Variants in SLC6A7 observed in about 807,000 individuals in gnomAD.
SLC6A7 encodes the protein solute carrier family 6 member 7.
In SLC6A7, 58 loss-of-function variants were observed where a neutral mutation model predicts 73.1. The ratio of observed to expected loss-of-function variants is 0.79; its 90% CI spans 0.64 to 0.99. The LOEUF (loss-of-function observed/expected upper bound fraction) is 0.99. Ranked by LOEUF, SLC6A7 falls within the 50% of genes least tolerant of loss-of-function variation. SLC6A7 has a pLI of 0.00. For missense variants in SLC6A7, 783 were observed against 831.4 expected, an observed-to-expected ratio of 0.94 and a Z score of 0.72; for synonymous variants, 338 against 338.7, an observed-to-expected ratio of 1.00 and a Z score of 0.02.
intron 4 of SLC6A7, 80 bp downstream of exon 4, chr5:150,197,356 C>T (rs1753088848): frequency 1.1e-6 from 1 of 901,336 alleles, no homozygotes; most frequent in Non-Finnish European, 1.7e-6. Flanking sequence ...CCCACAGTCT[C>T]AGCATGTACC....
Position 150,205,493 on chromosome 5 carries a change from C to G in SLC6A7, c.1571C>G (p.Ser524Trp). The change falls in exon 13 of 14, where the codon TCG becomes TGG. Residue 524 changes from serine (S) to tryptophan (W), a missense_variant. By Grantham distance (177) the Ser-to-Trp change is radical (BLOSUM62 -3). Transcript: ENST00000230671. ...MVYSIVKYQPSEYGSYRFPPW... is the reference protein window; with the variant it reads ...MVYSIVKYQPWEYGSYRFPPW... Reference sequence around the variant, plus strand: ...TATAGCATCGTCAAGTACCAGCCCTCGGAGTATGGCAGTTACCGCTTCCCG... The same window carrying G: ...TATAGCATCGTCAAGTACCAGCCCTGGGAGTATGGCAGTTACCGCTTCCCG... 1 of 1,612,606 alleles carries G rather than the reference C, an allele frequency of 6.2e-7. No homozygotes were observed. Among genetic ancestry groups the G allele is most frequent in the Non-Finnish European group, 8.5e-7 (1 of 1,179,232 alleles).
chr5:150,207,995 C>T (rs1056920064), intron 13 of SLC6A7, among the ~76,000 whole-genome samples: 3 of 151,652 alleles, frequency 2.0e-5, no homozygotes, highest in African/African-American at 7.3e-5. Context: ...AGAGATGCTG[C>T]TAAACAACCT....
intron 13 of SLC6A7, among the ~76,000 whole-genome samples, chr5:150,206,631 C>G (rs1162733981): frequency 6.6e-6 from 1 of 152,228 alleles, no homozygotes; most frequent in African/African-American, 2.4e-5. Context: ...ATGCCTCCCC[C>G]ATCCTGCTGC....
chr5:150,209,654 T>C lies in SLC6A7; in HGVS notation c.*39T>C. ...CGGGCAGAAGGCCCTGCCCGGGACCTCACAGTCCCTTCTTAGAAGCCTGCA... is the reference window on the plus strand; with the variant it reads ...CGGGCAGAAGGCCCTGCCCGGGACCCCACAGTCCCTTCTTAGAAGCCTGCA... On this transcript the variant is annotated 3_prime_UTR_variant, in exon 14 of 14. Transcript: ENST00000230671. 1 of 1,461,936 alleles carries C rather than the reference T, an allele frequency of 6.8e-7. No homozygotes were observed. The highest frequency in any genetic ancestry group is 1.4e-5 in the African/African-American group (1 of 71,624). The allele number at this position is 1,461,936 out of a possible 1,614,324, so 90.6% of individuals were successfully genotyped here. A position where few individuals can be genotyped will look rare whatever the true frequency, so the allele number is the denominator to read the frequency against.
chr5:150,203,651 T>A lies in SLC6A7; in HGVS notation c.1088-16T>A. 1 of 1,408,162 alleles carries A rather than the reference T, an allele frequency of 7.1e-7. No homozygotes were observed. Among genetic ancestry groups the A allele is most frequent in the Non-Finnish European group, 1.0e-6 (1 of 992,112 alleles). The allele number at this position is 1,408,162 out of a possible 1,614,324, so 87.2% of individuals were successfully genotyped here. On this transcript the variant is annotated splice_polypyrimidine_tract_variant and intron_variant, in intron 8 of 13. Transcript: ENST00000230671. ...CGCATGACCCAAGCTGCTGACCCCGTGTGCCCCTGGCCCAGGCCCTGGCCT... is the reference window on the plus strand; with the variant it reads ...CGCATGACCCAAGCTGCTGACCCCGAGTGCCCCTGGCCCAGGCCCTGGCCT...
chr5:150,204,899 G>A lies in SLC6A7; in HGVS notation c.1505G>A (p.Trp502Ter), dbSNP rs755120238. The A allele has an allele frequency of 1.2e-6, 2 of 1,607,442 alleles. No individual in the cohort carries two copies. Among genetic ancestry groups the A allele is most frequent in the Non-Finnish European group, 8.5e-7 (1 of 1,173,976 alleles). Residue 502 changes from tryptophan to a stop codon, truncating the protein, a stop_gained, in exon 12 of 14, where the codon TGG becomes TAG. Coordinates refer to ENST00000230671, the MANE Select transcript of SLC6A7 (RefSeq NM_014228.5). LOFTEE classifies it high-confidence loss of function. ...CCGGGCCTCTACTTCAGGGCCTGCT[G>A]GCTGTTCCTGTCCCCAGCCACGCTC... ...FKPGLYFRACWLFLSPATLLA... is the reference protein window; with the variant it reads ...FKPGLYFRAC
rs1004389190 is a variant in SLC6A7, at chr5:150,198,813, T to G, written c.585-415T>G. Among the ~76,000 whole-genome samples the G allele has an allele frequency of 3.5e-4, 21 of 59,160 alleles. No individual in the cohort carries two copies. In the East Asian group the frequency reaches 5.8e-3, roughly 16 times the overall value. The allele number at this position is 59,160 out of a possible 152,430, so 38.8% of individuals were successfully genotyped here. A position where few individuals can be genotyped will look rare whatever the true frequency, so the allele number is the denominator to read the frequency against. On this transcript the variant is annotated intron_variant, in intron 4 of 13. Coordinates refer to ENST00000230671, the MANE Select transcript of SLC6A7 (RefSeq NM_014228.5). ...ACAGTCATGGCCAGGCCCTGGATGG[T>G]GTGTGTGTGTGTGTGTGTGTGTGTG...
intron 3 of SLC6A7, 77 bp downstream of exon 3, chr5:150,196,924 G>T: frequency 6.5e-7 from 1 of 1,550,048 alleles, no homozygotes; most frequent in Non-Finnish European, 8.8e-7. Context: ...CAGAACCCCT[G>T]CCAGCTCCAG....
intron 3 of SLC6A7, 44 bp from the exon 4 acceptor site, chr5:150,196,998 A>G: frequency 6.3e-7 from 1 of 1,581,088 alleles, no homozygotes; most frequent in Non-Finnish European, 8.7e-7. Flanking sequence ...CCCGGCTGGC[A>G]GAGAGCTTGG....
intron 4 of SLC6A7, among the ~76,000 whole-genome samples, chr5:150,198,103 GAAA>G (rs1197328137): frequency 0.018 from 1,881 of 106,274 alleles, 44 homozygotes; most frequent in African/African-American, 0.03. Context: ...AAGAAAGAAA[GAAA>G]GAAAGAAAGA....
intron 1 of SLC6A7, among the ~76,000 whole-genome samples, chr5:150,190,870 C>A (rs1490911864): frequency 6.6e-6 from 1 of 152,198 alleles, no homozygotes; most frequent in Non-Finnish European, 1.5e-5. Flanking sequence ...AGCTTGCCTG[C>A]TGAGACCCCA....
At chr5:150,192,400 T>C (rs1167823515) in intron 1 of SLC6A7, among the ~76,000 whole-genome samples, 1 of 152,186 alleles carries the variant, frequency 6.6e-6, no homozygotes, top group East Asian at 1.9e-4. Flanking sequence ...AACTCAGCTG[T>C]GTGTTCCTGC....
chr5:150,196,848 G>C lies in SLC6A7; in HGVS notation c.349+1G>C. On this transcript the variant is annotated splice_donor_variant, in intron 3 of 13. Coordinates refer to ENST00000230671, the MANE Select transcript of SLC6A7 (RefSeq NM_014228.5). LOFTEE classifies it high-confidence loss of function. ...TGGAAAATCAGCCCTCTCTTCAAAGGTGAGGCCTCAGTGGTCCCCAGGGAG... is the reference window on the plus strand; with the variant it reads ...TGGAAAATCAGCCCTCTCTTCAAAGCTGAGGCCTCAGTGGTCCCCAGGGAG... 6.2e-7 allele frequency: 1 copy of C among 1,613,864 alleles called. No homozygotes were observed. The highest frequency in any genetic ancestry group is 8.5e-7 in the Non-Finnish European group (1 of 1,179,834).
At chr5:150,203,439 T>C (rs994383899) in intron 8 of SLC6A7, among the ~76,000 whole-genome samples, 1 of 152,230 alleles carries the variant, frequency 6.6e-6, no homozygotes, top group African/African-American at 2.4e-5. Context: ...TGAGGTTTTA[T>C]ATTGGGGTCT....
chr5:150,209,337 TG>T, intron 13 of SLC6A7, 68 bp from the exon 14 acceptor site: 1 of 1,317,128 alleles, frequency 7.6e-7, no homozygotes, highest in Non-Finnish European at 1.1e-6. Flanking sequence ...GCTGGGTGTC[TG>T]GCCACAGTGA....
intron 1 of SLC6A7, among the ~76,000 whole-genome samples, chr5:150,191,056 TG>T (rs757716268): frequency 6.6e-6 from 1 of 151,938 alleles, no homozygotes; most frequent in Non-Finnish European, 1.5e-5. Context: ...TGTCAGGATA[TG>T]GGGAGGGGGA....
At chr5:150,206,049 G>A (rs2113988080) in intron 13 of SLC6A7, among the ~76,000 whole-genome samples, 1 of 152,314 alleles carries the variant, frequency 6.6e-6, no homozygotes, top group South Asian at 2.1e-4. Context: ...GAATGATGGT[G>A]TGAGCCCTGC....
intron 13 of SLC6A7, 40 bp downstream of exon 13, chr5:150,205,663 C>A: frequency 6.4e-7 from 1 of 1,554,352 alleles, no homozygotes; most frequent in Non-Finnish European, 8.7e-7. Flanking sequence ...CCTTCCTGAC[C>A]TGTGGCCTGA....
chr5:150,198,770 AG>A (rs1385861382), intron 4 of SLC6A7, among the ~76,000 whole-genome samples: 4 of 149,508 alleles, frequency 2.7e-5, no homozygotes, highest in Non-Finnish European at 5.9e-5. Context: ...GCCTTGGAAG[AG>A]GGGCTACCTA....
Sources: allele counts gnomAD v4.1 joint callset (sites outside exome capture counted in the v4.1 genomes callset), GRCh38; gene constraint gnomAD v4.1.1; transcripts MANE v1.5; gene names NCBI Gene and HGNC (gene_info 2026-07-23, HGNC 2026-07-21).